Variants in PELP1 observed in about 807,000 individuals in gnomAD.
PELP1 encodes the protein proline, glutamate and leucine rich protein 1, also known as proline-, glutamic acid- and leucine-rich protein 1.
PELP1 carries 32 observed loss-of-function variants against 95.5 expected under a neutral mutation model. The ratio of observed to expected loss-of-function variants is 0.34; its 90% CI spans 0.25 to 0.45. PELP1 has a LOEUF of 0.45. Among genes scored for constraint, PELP1 ranks in the 20% least tolerant of loss-of-function variants. The probability of loss-of-function intolerance (pLI) is 1.00; values close to 1 mark genes in which losing one functional copy is unlikely to be tolerated. For synonymous variants in PELP1, 668 were observed against 600.1 expected, an observed-to-expected ratio of 1.11 and a Z score of -1.65; for missense variants, 1,358 against 1,444.8, an observed-to-expected ratio of 0.94 and a Z score of 0.97.
chr17:4,672,665 C>T lies in PELP1; in HGVS notation c.2326G>A (p.Val776Met), dbSNP rs1412030961. 3 of 1,613,548 alleles carry T rather than the reference C, an allele frequency of 1.9e-6. No homozygotes were observed. The highest frequency in any genetic ancestry group is 1.1e-5 in the South Asian group (1 of 90,998). ...GAGTCACTTTCCAAGGAGATCTCCACATCAGATGCCTCCTCCTTGTCATAG... is the reference window on the plus strand; with the variant it reads ...GAGTCACTTTCCAAGGAGATCTCCATATCAGATGCCTCCTCCTTGTCATAG... ...VHYDKEEASD[V>M]EISLESDSDD... The change falls in exon 16 of 17, where the codon GTG (valine) becomes ATG (methionine). Residue 776 changes from valine to methionine, a missense_variant. Physicochemically the swap from Val to Met is conservative, Grantham distance 21 (BLOSUM62 1). Around this residue, in one of 7 missense-constraint regions of PELP1, gnomAD observed 340 missense variants for 322.9 expected, o/e 1.05. Transcript: ENST00000572293.
In PELP1 at chr17:4,673,033, G is replaced by A. The variant is rs993347563; in HGVS notation, c.1958C>T (p.Pro653Leu). ...CCTGAAGGGCGATGGGGCCTCAGGA[G>A]GGGGAACTGGAGCAGGTGTGGGGCA... The part of the protein sequence containing the change: ...PTCPTPAPVP[P>L]PEAPSPFRAP... The change falls in exon 16 of 17, where the codon CCT (proline) becomes CTT (leucine). Residue 653 changes from proline (P) to leucine (L), a missense_variant. Transcript: ENST00000572293. The surrounding 1 kb of genome is among the most constrained non-coding windows in gnomAD (Gnocchi z 5.7). 5 of 1,533,110 alleles carry A rather than the reference G, an allele frequency of 3.3e-6. No individual in the cohort carries two copies. The highest frequency in any genetic ancestry group is 3.5e-6 in the Non-Finnish European group (4 of 1,143,168). 95.0% of individuals were successfully genotyped at this position (1,533,110 alleles called of 1,614,324 possible). A position where few individuals can be genotyped will look rare whatever the true frequency, so the allele number is the denominator to read the frequency against.
At chr17:4,700,770 T>C (rs189556081) in intron 1 of PELP1, among the ~76,000 whole-genome samples, 1 of 150,102 alleles carries the variant, frequency 6.7e-6, no homozygotes, top group South Asian at 2.1e-4. Context: ...ACAAAAAAAA[T>C]TTTTAAATTA....
In PELP1 at chr17:4,695,667, T is replaced by TAA. The variant is rs71147081; in HGVS notation, c.250-4227_250-4226dup. On this transcript the variant is annotated intron_variant, in intron 1 of 16. Transcript: ENST00000572293. ...GGCAAAAGAGTGAGACCCTCTCTCT[T>TAA]AAAAAAAAAAAAAAAAAAAAAAAAA... Among the ~76,000 whole-genome samples, 321 of 62,580 alleles carry TAA rather than the reference T, an allele frequency of 5.1e-3. 8 individuals are homozygous for TAA. Among genetic ancestry groups the TAA allele is most frequent in the African/African-American group, 0.015 (282 of 18,288 alleles). The allele number at this position is 62,580 out of a possible 152,430, so 41.1% of individuals were successfully genotyped here. A position where few individuals can be genotyped will look rare whatever the true frequency, so the allele number is the denominator to read the frequency against.
Position 4,675,285 on chromosome 17 carries a change from T to G in PELP1, c.1146A>C (p.Ala382=). ...CCAATCCCACTCACGCGAGGATGAG[T>G]GCAGACAGCAGGTCCAAGGCCTCAA... is the stretch of plus-strand genomic sequence containing the variant. ...IHLEALDLLS[A]LILACGSRLL... is the part of the protein sequence containing the mutation. The change falls in exon 10 of 17, where the codon GCA becomes GCC. Residue 382 remains alanine (A), a synonymous_variant. Coordinates refer to ENST00000572293, the MANE Select transcript of PELP1 (RefSeq NM_014389.3). The surrounding 1 kb of genome is among the most constrained non-coding windows in gnomAD (Gnocchi z 4.3). 5 of 1,575,036 alleles carry G rather than the reference T, an allele frequency of 3.2e-6. No individual in the cohort carries two copies. The South Asian group carries it at 5.8e-5, about 18-fold the overall frequency.
intron 1 of PELP1, among the ~76,000 whole-genome samples, chr17:4,692,222 C>T (rs8082639): frequency 0.98 from 148,540 of 151,946 alleles, 72,686 homozygotes; most frequent in Non-Finnish European, 1. Flanking sequence ...AATCCCAGCA[C>T]TTTGGGAGGC....
rs772610796 is a variant in PELP1 at position 4,675,918 on chromosome 17, C to A, written c.981-34G>T. The A allele has an allele frequency of 1.3e-6, 2 of 1,575,130 alleles. No homozygotes were observed. The highest frequency in any genetic ancestry group is 3.6e-5 in the Admixed American group (2 of 55,378). ...AATCAGAGCAGGGAGACCTTCAGAG[C>A]AGGCTCCCTGGCATAACTCCCACAC... On this transcript the variant is annotated intron_variant, in intron 8 of 16. Transcript: ENST00000572293. The surrounding 1 kb of genome is among the most constrained non-coding windows in gnomAD (Gnocchi z 4.3).
Position 4,675,176 on chromosome 17 carries a change from G to T in PELP1, c.1177C>A (p.Arg393Ser), listed in dbSNP as rs542350284. The T allele has an allele frequency of 1.7e-5, 28 of 1,613,546 alleles. No individual in the cohort carries two copies. The highest frequency in any genetic ancestry group is 3.3e-5 in the Admixed American group (2 of 59,960). ...AGGCGGCCGATCAGGATCCCAAAGC[G>T]CAAGAGCCGGCTTCCACACCTGGGG... ...LILACGSRLL[R>S]FGILIGRLLP... The change falls in exon 11 of 17, where the codon CGC becomes AGC. Residue 393 changes from arginine to serine, a missense_variant. Around this residue, in one of 7 missense-constraint regions of PELP1, gnomAD observed 538 missense variants for 628.1 expected, o/e 0.86. Transcript: ENST00000572293. The surrounding 1 kb of genome is among the most constrained non-coding windows in gnomAD (Gnocchi z 4.3).
Position 4,691,429 on chromosome 17 carries a change from A to G in PELP1, c.263T>C (p.Leu88Pro), listed in dbSNP as rs754991874. Residue 88 changes from leucine (L) to proline (P), a missense_variant, in exon 2 of 17, where the codon CTT (leucine) becomes CCT (proline). Transcript: ENST00000572293. ...SVGGAQNLSA[L>P]GALVSLSNAR... Reference sequence around the variant, plus strand: ...ATTACTGAGACTCACCAATGCCCCAAGAGCTGAAAGGTTCTGGAGGAAAGA... The same window carrying G: ...ATTACTGAGACTCACCAATGCCCCAGGAGCTGAAAGGTTCTGGAGGAAAGA... 2 of 1,613,342 alleles carry G rather than the reference A, an allele frequency of 1.2e-6. No homozygotes were observed.
At chr17:4,676,257 C>A in intron 7 of PELP1, 95 bp from the exon 8 acceptor site, 1 of 1,579,110 alleles carries the variant, frequency 6.3e-7, no homozygotes, top group South Asian at 1.1e-5. Flanking sequence ...AACCCATTTT[C>A]CCCAAAAACC....
chr17:4,694,892 ACCTGAGAGAATCG>A (rs1403966559), intron 1 of PELP1, among the ~76,000 whole-genome samples: 23 of 151,836 alleles, frequency 1.5e-4, no homozygotes, highest in East Asian at 7.8e-4. Context: ...AATCGCTTGA[ACCTGAGAGAATCG>A]CTTGAACCCG....
rs1567659507 is a variant in PELP1, at chr17:4,672,279, CTCTTCT to C, written c.2706_2711del (p.Glu907_Glu908del). On this transcript the variant is annotated inframe_deletion, in exon 16 of 17. Transcript: ENST00000572293. Reference sequence around the variant, plus strand: ...CTTCCTCAAAGTCTTCCTCCTCTTCCTCTTCTTCCTCTTCTTCTTCTTCCTCTTCTT... The same window carrying C: ...CTTCCTCAAAGTCTTCCTCCTCTTCCTCCTCTTCTTCTTCTTCCTCTTCTT... 6.5e-7 allele frequency: 1 copy of C among 1,549,288 alleles called. No individual in the cohort carries two copies. The highest frequency in any genetic ancestry group is 2.0e-5 in the Admixed American group (1 of 50,956).
Position 4,676,746 on chromosome 17 carries a change from C to T in PELP1, c.702+7G>A, listed in dbSNP as rs777716561. ...CCGGGCTCTCCCTCTCCCTCCCTGC[C>T]CTTTACCTGTTGGAGCTGAGGGCTC... On this transcript the variant is annotated splice_region_variant and intron_variant, in intron 6 of 16. Coordinates refer to ENST00000572293, the MANE Select transcript of PELP1 (RefSeq NM_014389.3). The T allele has an allele frequency of 8.3e-6, 13 of 1,566,058 alleles. No individual in the cohort carries two copies. Among genetic ancestry groups the T allele is most frequent in the Non-Finnish European group, 1.1e-5 (13 of 1,154,680 alleles).
chr17:4,676,101 G>A lies in PELP1; in HGVS notation c.915C>T (p.Ala305=), dbSNP rs771693022. 3.0e-5 allele frequency: 48 copies of A among 1,613,778 alleles called. No homozygotes were observed. Among genetic ancestry groups the A allele is most frequent in the Middle Eastern group, 1.6e-4 (1 of 6,084 alleles). Residue 305 remains alanine (A), a synonymous_variant, in exon 8 of 17, where the codon GCC becomes GCT. Transcript: ENST00000572293. ...TCTGCCGAAGCTGGAGAAGGACATGGGCATCACCATCTTCTGAGGACAGCA... is the reference window on the plus strand; with the variant it reads ...TCTGCCGAAGCTGGAGAAGGACATGAGCATCACCATCTTCTGAGGACAGCA... ...EMLLSSEDGD[A]HVLLQLRQRF...
At chr17:4,682,143 G>C (rs1912714118) in intron 5 of PELP1, among the ~76,000 whole-genome samples, 1 of 152,190 alleles carries the variant, frequency 6.6e-6, no homozygotes, top group South Asian at 2.1e-4. Context: ...CTGGACAACA[G>C]AGTAAGACCC....
Position 4,682,457 on chromosome 17 carries a change from T to C in PELP1, c.642+45A>G, listed in dbSNP as rs745572942. The C allele has an allele frequency of 4.0e-6, 5 of 1,260,324 alleles. No individual in the cohort carries two copies. The African/African-American group carries it at 4.4e-5, about 11-fold the overall frequency. The allele number at this position is 1,260,324 out of a possible 1,614,324, so 78.1% of individuals were successfully genotyped here. A position where few individuals can be genotyped will look rare whatever the true frequency, so the allele number is the denominator to read the frequency against. On this transcript the variant is annotated intron_variant, in intron 5 of 16. Coordinates refer to ENST00000572293, the MANE Select transcript of PELP1 (RefSeq NM_014389.3). ...CAGGACAGGAATCTGAGGTAAGAGC[T>C]CTCAACGCTTACACTGGTGGGGAGA...
chr17:4,678,650 T>C lies in PELP1; in HGVS notation c.643-1838A>G, dbSNP rs1283678791. On this transcript the variant is annotated intron_variant, in intron 5 of 16. Coordinates refer to ENST00000572293, the MANE Select transcript of PELP1 (RefSeq NM_014389.3). ...ACTCAAAACGCGCACACACACAGCA[T>C]GTCCTGGGGCTCTCTCAAGAGTAGG... Among the ~76,000 whole-genome samples, 12 of 152,290 alleles carry C rather than the reference T, an allele frequency of 7.9e-5. No individual in the cohort carries two copies. The East Asian group carries it at 2.1e-3, about 27-fold the overall frequency.
chr17:4,673,070 T>C lies in PELP1; in HGVS notation c.1921A>G (p.Met641Val). The change falls in exon 16 of 17, where the codon ATG becomes GTG. Residue 641 changes from methionine to valine, a missense_variant. Coordinates refer to ENST00000572293, the MANE Select transcript of PELP1 (RefSeq NM_014389.3). This position sits in a 1 kb window ranked among gnomAD's most constrained non-coding sequence, Gnocchi z 5.7. ...GCAGGTGTGGGGCAGGTGGGGCCCATGGGCTGCAGGGGAGGAACCCGGGGG... is the reference window on the plus strand; with the variant it reads ...GCAGGTGTGGGGCAGGTGGGGCCCACGGGCTGCAGGGGAGGAACCCGGGGG... ...THPRVPPLQP[M>V]GPTCPTPAPV... is the part of the protein sequence containing the mutation. The C allele has an allele frequency of 1.3e-6, 2 of 1,522,810 alleles. No homozygotes were observed. Among genetic ancestry groups the C allele is most frequent in the Non-Finnish European group, 1.8e-6 (2 of 1,137,778 alleles). 94.3% of individuals were successfully genotyped at this position (1,522,810 alleles called of 1,614,324 possible). A position where few individuals can be genotyped will look rare whatever the true frequency, so the allele number is the denominator to read the frequency against.
rs1467813213 is a variant in PELP1 at position 4,703,834 on chromosome 17, GGCCGCGGGCA to G, written c.249+19_249+28del. The G allele has an allele frequency of 6.3e-7, 1 of 1,585,898 alleles. No individual in the cohort carries two copies. The highest frequency in any genetic ancestry group is 1.8e-5 in the Admixed American group (1 of 56,750). On this transcript the variant is annotated intron_variant, in intron 1 of 16. Coordinates refer to ENST00000572293, the MANE Select transcript of PELP1 (RefSeq NM_014389.3). ...AGGTGCCGCGCCATCCTCCCCACAGGGCCGCGGGCACGCGGGCCACGGACTCACCTGGGCC... is the reference window on the plus strand; with the variant it reads ...AGGTGCCGCGCCATCCTCCCCACAGGCGCGGGCCACGGACTCACCTGGGCC...
chr17:4,672,742 A>G lies in PELP1; in HGVS notation c.2249T>C (p.Ile750Thr), dbSNP rs377113067. The change falls in exon 16 of 17, where the codon ATA becomes ACA. Residue 750 changes from isoleucine to threonine, a missense_variant. This residue lies in a region of PELP1 where 340 missense variants were observed against 322.9 expected (regional missense o/e 1.05). Coordinates refer to ENST00000572293, the MANE Select transcript of PELP1 (RefSeq NM_014389.3). ...LAPSGTPPPT[I>T]PPDETFGGRV... ...CCCCCCAAAAGTTTCATCTGGGGGTATAGTAGGTGGGGGAGTCCCACTAGG... is the reference window on the plus strand; with the variant it reads ...CCCCCCAAAAGTTTCATCTGGGGGTGTAGTAGGTGGGGGAGTCCCACTAGG... 3.1e-6 allele frequency: 5 copies of G among 1,613,458 alleles called. No homozygotes were observed. The highest frequency in any genetic ancestry group is 1.7e-4 in the Middle Eastern group (1 of 6,058).
Sources: gnomAD v4.1 joint callset for allele counts (sites outside exome capture counted in the v4.1 genomes callset) on GRCh38, gnomAD v4.1.1 for gene constraint, gnomAD v4.1.1 regional missense constraint, Gnocchi (gnomAD v3.1) non-coding constraint, MANE v1.5 for transcripts, NCBI Gene and HGNC (gene_info 2026-07-23, HGNC 2026-07-21) for gene names.